FCHSD1: variants seen among roughly 807,000 people sequenced by gnomAD.
FCHSD1 encodes the protein FCH and double SH3 domains 1, also known as F-BAR and double SH3 domains protein 1.
A neutral mutation model predicts 101.3 loss-of-function variants in FCHSD1; 109 were observed. That is an observed-to-expected ratio of 1.08 (90% confidence interval 0.92 to 1.26). The LOEUF (loss-of-function observed/expected upper bound fraction) is 1.26, where lower values mean the gene tolerates loss of function less well. Ranked by LOEUF, FCHSD1 falls within the 50% of genes most tolerant of loss-of-function variation. The probability of loss-of-function intolerance (pLI) is 0.00; values close to 1 mark genes in which losing one functional copy is unlikely to be tolerated. For synonymous variants in FCHSD1, 291 were observed against 356.8 expected (o/e 0.82, Z 2.08); for missense variants, 820 against 895.8 (o/e 0.92, Z 1.08).
At position 141,644,701 on chromosome 5, in the gene FCHSD1, A is replaced by G; in HGVS notation, c.1525-11T>C. The G allele has an allele frequency of 1.2e-6, 2 of 1,613,812 alleles. No individual in the cohort carries two copies. The highest frequency in any genetic ancestry group is 1.7e-6 in the Non-Finnish European group (2 of 1,179,758). On this transcript the variant is annotated splice_polypyrimidine_tract_variant and intron_variant, in intron 15 of 19. Transcript: ENST00000435817. Reference sequence around the variant, plus strand: ...GTGCTGGTTCCGAGCCTGCTCACCCAGCAATGTGAACAGATATTAGACTTA... The same window carrying G: ...GTGCTGGTTCCGAGCCTGCTCACCCGGCAATGTGAACAGATATTAGACTTA...
intron 16 of FCHSD1, 58 bp from the exon 17 acceptor site, chr5:141,644,496 T>C: frequency 1.2e-6 from 2 of 1,607,200 alleles, no homozygotes; most frequent in African/African-American, 1.3e-5. Context: ...CCCAGGACCA[T>C]GACACCCCAG....
chr5:141,641,857 TAATG>T, intron 18 of FCHSD1, 100 bp from the exon 19 acceptor site: 1 of 1,218,320 alleles, frequency 8.2e-7, no homozygotes, highest in East Asian at 2.5e-5. Flanking sequence ...TTTGTTAAAT[TAATG>T]GTCACCATCC....
chr5:141,646,769 T>C (rs1482213445), intron 10 of FCHSD1, 47 bp from the exon 11 acceptor site: 2 of 1,588,750 alleles, frequency 1.3e-6, no homozygotes, highest in African/African-American at 2.7e-5. Flanking sequence ...GGCTGCTCCT[T>C]CTCTCCAGTT....
chr5:141,640,965 T>C lies in FCHSD1; in HGVS notation c.*533A>G, dbSNP rs1403305613. On this transcript the variant is annotated 3_prime_UTR_variant, in exon 20 of 20. Transcript: ENST00000435817. Reference sequence around the variant, plus strand: ...TGCCCGTGGTGGGCCCCTAAAGCAATAGCACCGTAGGCCCCCTGCCCTCTT... The same window carrying C: ...TGCCCGTGGTGGGCCCCTAAAGCAACAGCACCGTAGGCCCCCTGCCCTCTT... 5 of 480,978 alleles carry C rather than the reference T, an allele frequency of 1.0e-5. No homozygotes were observed. Among genetic ancestry groups the C allele is most frequent in the Non-Finnish European group, 1.8e-5 (5 of 273,006 alleles). The allele number at this position is 480,978 out of a possible 1,614,324, so 29.8% of individuals were successfully genotyped here.
rs1281773243 is a variant in FCHSD1 at position 141,644,681 on chromosome 5, G to C, written c.1534C>G (p.Gln512Glu). 1.2e-6 allele frequency: 2 copies of C among 1,613,922 alleles called. No individual in the cohort carries two copies. The highest frequency in any genetic ancestry group is 1.7e-6 in the Non-Finnish European group (2 of 1,179,844). The change falls in exon 16 of 20, where the codon CAG becomes GAG. Residue 512 changes from glutamine to glutamate, a missense_variant. By Grantham distance (29) the Gln-to-Glu change is conservative. Coordinates refer to ENST00000435817, the MANE Select transcript of FCHSD1 (RefSeq NM_033449.3). ...GGGACAAAGCCTACCTCGCCGTGCT[G>C]GTTCCGAGCCTGCTCACCCAGCAAT... Reference protein sequence around the residue: ...DADEWVKARNQHGEVGFVPER... With the variant: ...DADEWVKARNEHGEVGFVPER...
Position 141,640,039 on chromosome 5 carries a change from G to A in FCHSD1, c.*1459C>T, listed in dbSNP as rs1338403119. ...GACCCAGGGGGTGGTCAGGGGTCTG[G>A]GGGAGGGCAGCCCAAGGCAGGGATG... On this transcript the variant is annotated 3_prime_UTR_variant, in exon 20 of 20. Transcript: ENST00000435817. The A allele has an allele frequency of 1.9e-6, 3 of 1,613,472 alleles. No homozygotes were observed. The highest frequency in any genetic ancestry group is 2.5e-6 in the Non-Finnish European group (3 of 1,179,866).
chr5:141,648,216 C>T, intron 7 of FCHSD1, 120 bp from the exon 8 acceptor site: 1 of 1,267,716 alleles, frequency 7.9e-7, no homozygotes, highest in Admixed American at 2.9e-5. Flanking sequence ...ATGTGCCTGG[C>T]ACTACACTAA....
chr5:141,643,493 T>G lies in FCHSD1; in HGVS notation c.1864-405A>C, dbSNP rs80342160. Among the ~76,000 whole-genome samples, 805 of 152,338 alleles carry G rather than the reference T, an allele frequency of 5.3e-3. 8 individuals are homozygous for G. Among genetic ancestry groups the G allele is most frequent in the African/African-American group, 0.019 (772 of 41,572 alleles). On this transcript the variant is annotated intron_variant, in intron 17 of 19. Coordinates refer to ENST00000435817, the MANE Select transcript of FCHSD1 (RefSeq NM_033449.3). ...CCACTCCTATTCTCTTTCTGCTGTATGTATATACATTATAACAACAGATAT... is the reference window on the plus strand; with the variant it reads ...CCACTCCTATTCTCTTTCTGCTGTAGGTATATACATTATAACAACAGATAT...
At chr5:141,643,741 G>C (rs72792345) in intron 17 of FCHSD1, among the ~76,000 whole-genome samples, 2 of 151,938 alleles carry the variant, frequency 1.3e-5, no homozygotes, top group Non-Finnish European at 2.9e-5. Flanking sequence ...CCAGCTACTC[G>C]AGGGGCTGAT....
intron 13 of FCHSD1, 21 bp downstream of exon 13, chr5:141,645,750 A>T: frequency 1.9e-6 from 3 of 1,601,902 alleles, no homozygotes; most frequent in Non-Finnish European, 2.6e-6. Flanking sequence ...AAGGATGGGT[A>T]GTGTTGGGGG....
In FCHSD1 at chr5:141,649,895, C is replaced by T; in HGVS notation, c.225G>A (p.Met75Ile). The T allele has an allele frequency of 6.5e-7, 1 of 1,549,522 alleles. No homozygotes were observed. The highest frequency in any genetic ancestry group is 8.7e-7 in the Non-Finnish European group (1 of 1,147,098). Residue 75 changes from methionine to isoleucine, a missense_variant, in exon 4 of 20, where the codon ATG (methionine) becomes ATA (isoleucine). Met to Ile is a conservative substitution (Grantham distance 10). Transcript: ENST00000435817. The surrounding 1 kb of genome is among the most constrained non-coding windows in gnomAD (Gnocchi z 4.1). Reference sequence around the variant, plus strand: ...CCCTCCATAGGGCCCACCTGCTGTCCATCTCACCGCTCCGGTGCCCTTCCC... The same window carrying T: ...CCCTCCATAGGGCCCACCTGCTGTCTATCTCACCGCTCCGGTGCCCTTCCC... The part of the protein sequence containing the change: ...LKREGHRSGE[M>I]DSRGRTVFGA...
Position 141,649,952 on chromosome 5 carries a change from T to C in FCHSD1, c.168A>G (p.Ala56=), listed in dbSNP as rs374637225. 7 of 1,541,134 alleles carry C rather than the reference T, an allele frequency of 4.5e-6. No homozygotes were observed. Among genetic ancestry groups the C allele is most frequent in the East Asian group, 2.4e-5 (1 of 41,176 alleles). ...GGAATGGGCCAGCCAGTTTCTGGAGTGCCTGGTGAAAAAGCCATCACAGAA... is the reference window on the plus strand; with the variant it reads ...GGAATGGGCCAGCCAGTTTCTGGAGCGCCTGGTGAAAAAGCCATCACAGAA... ...RAAIEREYGQ[A]LQKLAGPFLK... is the part of the protein sequence containing the mutation. Residue 56 remains alanine (A), a splice_region_variant and synonymous_variant, in exon 4 of 20, where the codon GCA becomes GCG. Coordinates refer to ENST00000435817, the MANE Select transcript of FCHSD1 (RefSeq NM_033449.3). The surrounding 1 kb of genome is among the most constrained non-coding windows in gnomAD (Gnocchi z 4.1).
At position 141,649,296 on chromosome 5, in the gene FCHSD1, G is replaced by C; in HGVS notation, c.388C>G (p.Leu130Val). The change falls in exon 6 of 20, where the codon CTC (leucine) becomes GTC (valine). Residue 130 changes from leucine to valine, a missense_variant. By Grantham distance (32) the Leu-to-Val change is conservative. Transcript: ENST00000435817. This position sits in a 1 kb window ranked among gnomAD's most constrained non-coding sequence, Gnocchi z 4.1. ...EQVLRKGTEN[L>V]QRAQAEVLQS... is the part of the protein sequence containing the mutation. ...AGCACCTCAGCCTGCGCCCTCTGGAGGTTCTCTGTTCCCTATTGGGATGCA... is the reference window on the plus strand; with the variant it reads ...AGCACCTCAGCCTGCGCCCTCTGGACGTTCTCTGTTCCCTATTGGGATGCA... 6.2e-7 allele frequency: 1 copy of C among 1,614,010 alleles called. No individual in the cohort carries two copies. Among genetic ancestry groups the C allele is most frequent in the Non-Finnish European group, 8.5e-7 (1 of 1,179,896 alleles).
rs372037737 is a variant in FCHSD1 at position 141,646,588 on chromosome 5, G to A, written c.1044+15C>T. On this transcript the variant is annotated intron_variant, in intron 11 of 19. Coordinates refer to ENST00000435817, the MANE Select transcript of FCHSD1 (RefSeq NM_033449.3). ...ACAAGAAGGTGCACATGACACCTGT[G>A]CCCCCCCACCTCACCCGATGCCCAT... is the stretch of plus-strand genomic sequence containing the variant. The A allele has an allele frequency of 1.9e-5, 31 of 1,606,724 alleles. No individual in the cohort carries two copies. Among genetic ancestry groups the A allele is most frequent in the East Asian group, 1.6e-4 (7 of 44,710 alleles).
At chr5:141,648,921 C>G in intron 7 of FCHSD1, 36 bp downstream of exon 7, 1 of 1,612,762 alleles carries the variant, frequency 6.2e-7, no homozygotes, top group Non-Finnish European at 8.5e-7. Context: ...CTGCCTCCCT[C>G]TTCCCTGCCC....
chr5:141,639,773 C>T lies in FCHSD1; in HGVS notation c.*1725G>A. 1 of 1,282,002 alleles carries T rather than the reference C, an allele frequency of 7.8e-7. No homozygotes were observed. The highest frequency in any genetic ancestry group is 2.3e-5 in the East Asian group (1 of 43,148). The allele number at this position is 1,282,002 out of a possible 1,614,324, so 79.4% of individuals were successfully genotyped here. On this transcript the variant is annotated 3_prime_UTR_variant, in exon 20 of 20. Coordinates refer to ENST00000435817, the MANE Select transcript of FCHSD1 (RefSeq NM_033449.3). The surrounding 1 kb of genome is among the most constrained non-coding windows in gnomAD (Gnocchi z 4.4). ...GGGAGCTCCGGCAGAAGTCAGGCTA[C>T]ACAATGTGCCCCACAATCTGAGAAG...
At position 141,645,118 on chromosome 5, in the gene FCHSD1, C is replaced by G; in HGVS notation, c.1342G>C (p.Glu448Gln). ...AAGAGCTCTCCCGTCTCCTCACATT[C>G]CTCAAAGTCAGAAAGCTCAGCATCC... ...AEDAELSDFE[E>Q]CEETGELFEE... The change falls in exon 14 of 20, where the codon GAA (glutamate) becomes CAA (glutamine). Residue 448 changes from glutamate to glutamine, a missense_variant. Glu to Gln is a conservative substitution (Grantham distance 29). Coordinates refer to ENST00000435817, the MANE Select transcript of FCHSD1 (RefSeq NM_033449.3). 1 of 1,565,366 alleles carries G rather than the reference C, an allele frequency of 6.4e-7. No homozygotes were observed. The highest frequency in any genetic ancestry group is 8.7e-7 in the Non-Finnish European group (1 of 1,155,032).
chr5:141,650,886 C>G (rs67641160), intron 2 of FCHSD1, 134 bp downstream of exon 2: 93,363 of 816,136 alleles, frequency 0.11, 5,844 homozygotes, highest in African/African-American at 0.17. Flanking sequence ...GAGGCCAGGC[C>G]TAGGGTGAGG....
In FCHSD1 at chr5:141,644,632, T is replaced by A. The variant is rs1301931998; in HGVS notation, c.1583A>T (p.Asp528Val). 27 of 1,613,616 alleles carry A rather than the reference T, an allele frequency of 1.7e-5. No individual in the cohort carries two copies. The highest frequency in any genetic ancestry group is 1.6e-4 in the Middle Eastern group (1 of 6,082). Residue 528 changes from aspartate (D) to valine (V), a missense_variant, in exon 16 of 20, where the codon GAC (aspartate) becomes GTC (valine). Asp to Val is a radical substitution (Grantham distance 152). Transcript: ENST00000435817. ...FVPERYLNFP[D>V]LSLPESSQDS... Reference sequence around the variant, plus strand: ...TTGGCTGCTCTCTGGGAGGGAGAGGTCCGGGAAGTTGAGATATCGCTCAGG... The same window carrying A: ...TTGGCTGCTCTCTGGGAGGGAGAGGACCGGGAAGTTGAGATATCGCTCAGG...
Sources: allele counts gnomAD v4.1 joint callset (sites outside exome capture counted in the v4.1 genomes callset), GRCh38; gene constraint gnomAD v4.1.1; non-coding constraint Gnocchi (gnomAD v3.1); transcripts MANE v1.5; gene names NCBI Gene and HGNC (gene_info 2026-07-23, HGNC 2026-07-21).